The following G3BP2 variants were observed in gnomAD, a reference collection of about 807,000 sequenced individuals.
G3BP2 encodes the protein G3BP stress granule assembly factor 2.
G3BP2 carries 11 observed loss-of-function variants against 56.7 expected under a neutral mutation model. That is an observed-to-expected ratio of 0.19 (90% CI 0.12 to 0.32). The LOEUF (loss-of-function observed/expected upper bound fraction) is 0.32. Among genes scored for constraint, G3BP2 ranks in the 10% least tolerant of loss-of-function variants. The pLI is 1.00. For missense variants in G3BP2, 340 were observed against 610.9 expected (o/e 0.56, Z 4.67); for synonymous variants, 165 against 191.6 (o/e 0.86, Z 1.15).
chr4:75,712,695 A>G (rs1719802073), intron 3 of G3BP2, among the ~76,000 whole-genome samples: 1 of 152,174 alleles, frequency 6.6e-6, no homozygotes, highest in African/African-American at 2.4e-5. Flanking sequence ...CATTAACCCC[A>G]AAAGTGAACA....
intron 5 of G3BP2, 28 bp downstream of exon 5, chr4:75,656,896 T>C (rs1732163507): frequency 9.7e-7 from 1 of 1,029,976 alleles, no homozygotes; most frequent in Middle Eastern, 2.0e-4. Flanking sequence ...AGAACCCTTC[T>C]ATCTTCATAT....
At chr4:75,659,673 A>G (rs1732397255) in intron 2 of G3BP2, among the ~76,000 whole-genome samples, 1 of 152,188 alleles carries the variant, frequency 6.6e-6, no homozygotes, top group African/African-American at 2.4e-5. Flanking sequence ...ATGTGTACTG[A>G]TTCACTTAAC....
intron 3 of G3BP2, among the ~76,000 whole-genome samples, chr4:75,692,925 T>A (rs1718927564): frequency 6.6e-6 from 1 of 152,150 alleles, no homozygotes; most frequent in Admixed American, 6.6e-5. Flanking sequence ...GTTCAAAACG[T>A]TTCTGAACTG....
rs79698864 is a variant in G3BP2, at chr4:75,645,175, G to A, written c.*255C>T. On this transcript the variant is annotated 3_prime_UTR_variant, in exon 12 of 12. Transcript: ENST00000359707. The stretch of plus-strand genomic sequence containing the variant: ...CATGTCCTTTTAAGTTCACTTTGTC[G>A]TAGATAGTTTAAGATATGGTCATTT... 2,773 of 474,866 alleles carry A rather than the reference G, an allele frequency of 5.8e-3. 10 individuals are homozygous for A. The highest frequency in any genetic ancestry group is 8.4e-3 in the Non-Finnish European group (2,251 of 269,572). The allele number at this position is 474,866 out of a possible 1,614,324, so 29.4% of individuals were successfully genotyped here.
At chr4:75,670,061 TTAGTTA>T (rs1481686140) in intron 1 of G3BP2, among the ~76,000 whole-genome samples, 1 of 152,140 alleles carries the variant, frequency 6.6e-6, no homozygotes, top group Non-Finnish European at 1.5e-5. Context: ...GTACTTGGTA[TTAGTTA>T]TTATAAAAAG....
intron 3 of G3BP2, among the ~76,000 whole-genome samples, chr4:75,715,381 ATCTC>A: frequency 6.6e-6 from 1 of 152,228 alleles, no homozygotes; most frequent in Non-Finnish European, 1.5e-5. Flanking sequence ...AGTTTCTTGG[ATCTC>A]TCTCACACTC....
intron 3 of G3BP2, among the ~76,000 whole-genome samples, chr4:75,682,494 G>A (rs1053909534): frequency 2.0e-5 from 3 of 152,110 alleles, no homozygotes; most frequent in African/African-American, 7.2e-5. Context: ...TTGAACATGG[G>A]TAACTCGAAG....
At chr4:75,709,314 G>A (rs1411643969) in intron 3 of G3BP2, among the ~76,000 whole-genome samples, 2 of 150,898 alleles carry the variant, frequency 1.3e-5, no homozygotes, top group African/African-American at 2.4e-5. Context: ...CAGCTACTCA[G>A]GAGGCTGAGG....
At chr4:75,673,686 C>G, upstream of G3BP2, 1 of 1,151,014 alleles carries the variant, frequency 8.7e-7, no homozygotes, top group Non-Finnish European at 1.1e-6. Context: ...AGGCTCCAGC[C>G]TTGCCGCCCT....
chr4:75,654,383 G>A (rs1353108750), intron 7 of G3BP2, among the ~76,000 whole-genome samples: 1 of 152,200 alleles, frequency 6.6e-6, no homozygotes, highest in Non-Finnish European at 1.5e-5. Context: ...AGAAAAACCT[G>A]AACCTAATAG....
In G3BP2 at chr4:75,644,066, A is replaced by G. The variant is rs1731051052; in HGVS notation, c.*1364T>C. ...ATGAATGACAGTTCCCTGCCCCCCA[A>G]ATAGAAAATGCAAACACTTAAAGAG... On this transcript the variant is annotated 3_prime_UTR_variant, in exon 12 of 12. Coordinates refer to ENST00000359707, the MANE Select transcript of G3BP2 (RefSeq NM_203505.3). 2 of 152,646 alleles carry G rather than the reference A, an allele frequency of 1.3e-5. No individual in the cohort carries two copies. Among genetic ancestry groups the G allele is most frequent in the East Asian group, 1.9e-4 (1 of 5,202 alleles). 9.5% of individuals were successfully genotyped at this position (152,646 alleles called of 1,614,324 possible). A position where few individuals can be genotyped will look rare whatever the true frequency, so the allele number is the denominator to read the frequency against.
At chr4:75,696,944 T>C (rs1292776079) in intron 3 of G3BP2, among the ~76,000 whole-genome samples, 2 of 152,140 alleles carry the variant, frequency 1.3e-5, no homozygotes, top group Non-Finnish European at 2.9e-5. Context: ...AATCTTCCCT[T>C]TTCTTCAACA....
upstream of G3BP2, chr4:75,673,944 AAAGG>A (rs1313800043): frequency 6.4e-6 from 1 of 157,332 alleles, no homozygotes; most frequent in Non-Finnish European, 1.4e-5. Context: ...GCCCTGCAGT[AAAGG>A]AAGAACATGA....
chr4:75,700,269 G>A (rs564746206), intron 3 of G3BP2, among the ~76,000 whole-genome samples: 1 of 151,532 alleles, frequency 6.6e-6, no homozygotes, highest in East Asian at 2.0e-4. Flanking sequence ...GGCTAGGATG[G>A]TCTTGATCTC....
chr4:75,682,541 G>A (rs1244352423), intron 3 of G3BP2, among the ~76,000 whole-genome samples: 1 of 152,160 alleles, frequency 6.6e-6, no homozygotes, highest in East Asian at 1.9e-4. Context: ...AAGCAAATGT[G>A]TTTTATTAAT....
At chr4:75,648,939 G>A (rs761632712) in intron 8 of G3BP2, 198 bp from the exon 9 acceptor site, 12 of 414,018 alleles carry the variant, frequency 2.9e-5, no homozygotes, top group Non-Finnish European at 2.6e-5. Context: ...GGTAGCTTTT[G>A]TTTTCCCACT....
In G3BP2 at chr4:75,648,660, G is replaced by C. The variant is rs1286422013; in HGVS notation, c.907C>G (p.Pro303Ala). The C allele has an allele frequency of 6.2e-7, 1 of 1,603,420 alleles. No homozygotes were observed. Among genetic ancestry groups the C allele is most frequent in the South Asian group, 1.1e-5 (1 of 90,778 alleles). Residue 303 changes from proline (P) to alanine (A), a missense_variant, in exon 9 of 12, where the codon CCT (proline) becomes GCT (alanine). Pro to Ala is a conservative substitution (Grantham distance 27). Transcript: ENST00000359707. ...TCACCTGGTCTTGGTCCTCTAGGAG[G>C]AAAACCAGGTCGTTCTCTAGGTCGT... Reference protein sequence around the residue: ...EQRPRERPGFPPRGPRPGRGD... With the variant: ...EQRPRERPGFAPRGPRPGRGD...
intron 3 of G3BP2, among the ~76,000 whole-genome samples, chr4:75,704,321 T>G (rs1335109489): frequency 6.6e-6 from 1 of 151,990 alleles, no homozygotes; most frequent in African/African-American, 2.4e-5. Context: ...GACCTGTTTG[T>G]TTGGTTTTTG....
chr4:75,661,470 CAA>C (rs1732552566), intron 2 of G3BP2: 1 of 128,188 alleles, frequency 7.8e-6, no homozygotes, highest in Non-Finnish European at 1.6e-5. Context: ...CACCTGCCCC[CAA>C]AGTTTGTTTT....
Sources: allele counts gnomAD v4.1 joint callset (sites outside exome capture counted in the v4.1 genomes callset), GRCh38; gene constraint gnomAD v4.1.1; transcripts MANE v1.5; gene names NCBI Gene and HGNC (gene_info 2026-07-23, HGNC 2026-07-21).